The following MTDH variants were observed in gnomAD, a reference collection of about 807,000 sequenced individuals.
MTDH encodes protein LYRIC.
A neutral mutation model predicts 72.7 loss-of-function variants in MTDH; 34 were observed. The observed-to-expected ratio is 0.47, with a 90% CI of 0.36 to 0.62. MTDH has a LOEUF of 0.62. Ranked by LOEUF, MTDH falls within the 20% of genes least tolerant of loss-of-function variation. MTDH has a pLI of 0.00. For synonymous variants in MTDH, 266 were observed against 268.9 expected (o/e 0.99, Z 0.10); for missense variants, 677 against 699.4 (o/e 0.97, Z 0.36).
intron 9 of MTDH, among the ~76,000 whole-genome samples, chr8:97,717,565 G>A (rs1289563635): frequency 4.0e-5 from 6 of 151,128 alleles, no homozygotes; most frequent in Non-Finnish European, 7.4e-5. Context: ...GTACCATGGT[G>A]TCCTAGCCTG....
At chr8:97,695,087 A>C (rs1586256212) in intron 6 of MTDH, among the ~76,000 whole-genome samples, 1 of 150,782 alleles carries the variant, frequency 6.6e-6, no homozygotes, top group Admixed American at 6.6e-5. Flanking sequence ...GGATATTTAC[A>C]ATTTGCAATT....
At chr8:97,721,021 G>A (rs538646687) in intron 10 of MTDH, among the ~76,000 whole-genome samples, 1 of 152,148 alleles carries the variant, frequency 6.6e-6, no homozygotes, top group African/African-American at 2.4e-5. Context: ...GATCCGTTCT[G>A]TGACTTAATG....
rs536412693 is a variant in MTDH at position 97,691,973 on chromosome 8, G to A, written c.1048+785G>A. Among the ~76,000 whole-genome samples, 28 of 152,126 alleles carry A rather than the reference G, an allele frequency of 1.8e-4. No homozygotes were observed. The South Asian group carries it at 5.0e-3, about 27-fold the overall frequency. ...CAGCTCACTGCAACCTCCACCTCCCGGGTTCAAGCGATTCTCCTACCTCAG... is the reference window on the plus strand; with the variant it reads ...CAGCTCACTGCAACCTCCACCTCCCAGGTTCAAGCGATTCTCCTACCTCAG... On this transcript the variant is annotated intron_variant, in intron 6 of 11. Transcript: ENST00000336273.
At position 97,644,665 on chromosome 8, in the gene MTDH, G is replaced by C. The variant is rs567918405; in HGVS notation, c.159G>C (p.Leu53=). Residue 53 remains leucine (L), a synonymous_variant, in exon 1 of 12, where the codon CTG becomes CTC. Coordinates refer to ENST00000336273, the MANE Select transcript of MTDH (RefSeq NM_178812.4). ...EPKRYPGWVI[L]VGTGALGLLL... Reference sequence around the variant, plus strand: ...AACGGTACCCCGGCTGGGTGATCCTGGTGGGCACTGGCGCGCTCGGGCTGC... The same window carrying C: ...AACGGTACCCCGGCTGGGTGATCCTCGTGGGCACTGGCGCGCTCGGGCTGC... 1,384 of 1,608,034 alleles carry C rather than the reference G, an allele frequency of 8.6e-4. 24 individuals are homozygous for C. The South Asian group carries it at 0.015, about 17-fold the overall frequency.
At chr8:97,705,210 T>C (rs968295508) in intron 7 of MTDH, among the ~76,000 whole-genome samples, 1 of 150,498 alleles carries the variant, frequency 6.6e-6, no homozygotes, top group African/African-American at 2.5e-5. Flanking sequence ...GGCAGGAGAA[T>C]CGCTTGAACC....
intron 2 of MTDH, among the ~76,000 whole-genome samples, chr8:97,666,744 G>A (rs1217556474): frequency 6.6e-6 from 1 of 152,038 alleles, no homozygotes; most frequent in East Asian, 1.9e-4. Flanking sequence ...GTCGCCCAGG[G>A]TGGAGTGCAG....
intron 2 of MTDH, among the ~76,000 whole-genome samples, chr8:97,666,615 A>G (rs1187719986): frequency 6.6e-6 from 1 of 152,194 alleles, no homozygotes; most frequent in African/African-American, 2.4e-5. Flanking sequence ...GCTTGCACTG[A>G]TGGTGCAAAA....
rs115781045 is a variant in MTDH, at chr8:97,704,586, G to A, written c.1148-2040G>A. 5.4e-3 allele frequency among the ~76,000 whole-genome samples: 817 copies of A among 152,016 alleles called. 4 individuals carry two copies. The highest frequency in any genetic ancestry group is 0.017 in the African/African-American group (722 of 41,482). ...ATTATACCACTGCAGTCCAGCCTGG[G>A]TGACAGAATAAGACCCTGTCTCTTA... On this transcript the variant is annotated intron_variant, in intron 7 of 11. Transcript: ENST00000336273.
chr8:97,657,948 G>A (rs768742729), intron 1 of MTDH, among the ~76,000 whole-genome samples: 7 of 152,300 alleles, frequency 4.6e-5, no homozygotes, highest in Non-Finnish European at 1.0e-4. Flanking sequence ...GCTAATTTAA[G>A]TATGATTAGT....
intron 2 of MTDH, among the ~76,000 whole-genome samples, chr8:97,672,175 A>G (rs1454451086): frequency 6.6e-6 from 1 of 152,216 alleles, no homozygotes; most frequent in Admixed American, 6.5e-5. Context: ...TTTTATGGAA[A>G]CACAGCCACA....
At chr8:97,678,594 CTT>C (rs35895126) in intron 2 of MTDH, among the ~76,000 whole-genome samples, 34 of 85,310 alleles carry the variant, frequency 4.0e-4, no homozygotes, top group South Asian at 1.0e-3. Flanking sequence ...TTCCTTCCTT[CTT>C]TTTTTTTTTT....
intron 1 of MTDH, among the ~76,000 whole-genome samples, chr8:97,658,853 G>T (rs758093413): frequency 2.0e-5 from 3 of 152,060 alleles, no homozygotes; most frequent in Non-Finnish European, 4.4e-5. Flanking sequence ...ATAAGATGAT[G>T]ATATTAGAGG....
intron 6 of MTDH, among the ~76,000 whole-genome samples, chr8:97,698,147 G>A (rs888811328): frequency 1.3e-5 from 2 of 152,180 alleles, no homozygotes; most frequent in Non-Finnish European, 1.5e-5. Flanking sequence ...AAGGACTCAC[G>A]TGGGAGGACG....
intron 2 of MTDH, among the ~76,000 whole-genome samples, chr8:97,663,319 TATA>T (rs1812246947): frequency 6.6e-6 from 1 of 152,152 alleles, no homozygotes; most frequent in Admixed American, 6.6e-5. Flanking sequence ...GGGAAATAAT[TATA>T]ATAGTTGACA....
intron 1 of MTDH, among the ~76,000 whole-genome samples, chr8:97,656,619 T>A (rs957373003): frequency 6.6e-6 from 1 of 151,756 alleles, no homozygotes; most frequent in Non-Finnish European, 1.5e-5. Context: ...ATACTTCTTA[T>A]TCTGAACTTT....
rs984579138 is a variant in MTDH at position 97,699,763 on chromosome 8, C to G, written c.1058C>G (p.Ala353Gly). The G allele has an allele frequency of 3.7e-6, 6 of 1,609,560 alleles. No homozygotes were observed. The highest frequency in any genetic ancestry group is 5.1e-6 in the Non-Finnish European group (6 of 1,176,250). ...RSIFSGIGSTAEPVSQSTTSD... is the reference protein window; with the variant it reads ...RSIFSGIGSTGEPVSQSTTSD... ...TCGTTTTTCATTTAAGGGTCTACTG[C>G]TGAGCCAGTTTCTCAGTCTACCACT... Residue 353 changes from alanine (A) to glycine (G), a missense_variant, in exon 7 of 12, where the codon GCT becomes GGT. Physicochemically the swap from Ala to Gly is moderately conservative, Grantham distance 60. Around this residue, in one of 3 missense-constraint regions of MTDH, gnomAD observed 467 missense variants for 469.1 expected, o/e 1.00. Coordinates refer to ENST00000336273, the MANE Select transcript of MTDH (RefSeq NM_178812.4).
At chr8:97,653,008 A>G (rs978227496) in intron 1 of MTDH, among the ~76,000 whole-genome samples, 3 of 151,978 alleles carry the variant, frequency 2.0e-5, no homozygotes, top group African/African-American at 7.3e-5. Context: ...AGTCCCAGCT[A>G]CTCAGGAGGC....
Position 97,719,201 on chromosome 8 carries a change from G to A in MTDH, c.1521+12G>A. On this transcript the variant is annotated intron_variant, in intron 10 of 11. Coordinates refer to ENST00000336273, the MANE Select transcript of MTDH (RefSeq NM_178812.4). ...TCAAAAATAGCCAGGTAATTTTTAA[G>A]AATAATAAAGTTGCCGGGCGCAGTG... The A allele has an allele frequency of 1.2e-6, 2 of 1,609,126 alleles. No individual in the cohort carries two copies. Among genetic ancestry groups the A allele is most frequent in the Non-Finnish European group, 1.7e-6 (2 of 1,178,536 alleles).
chr8:97,663,717 C>T (rs1019388870), intron 2 of MTDH, among the ~76,000 whole-genome samples: 4 of 144,596 alleles, frequency 2.8e-5, no homozygotes, highest in African/African-American at 1.1e-4. Flanking sequence ...CCACTGCACT[C>T]CAGCCTGGGC....
Sources: allele counts gnomAD v4.1 joint callset (sites outside exome capture counted in the v4.1 genomes callset), GRCh38; gene constraint gnomAD v4.1.1; regional missense constraint gnomAD v4.1.1; transcripts MANE v1.5; gene names NCBI Gene and HGNC (gene_info 2026-07-23, HGNC 2026-07-21).